Variants in DCLRE1C observed in about 807,000 individuals in gnomAD.
DCLRE1C encodes the protein protein artemis.
In DCLRE1C, 47 loss-of-function variants were observed where a neutral mutation model predicts 61.4. The ratio of observed to expected loss-of-function variants is 0.77; its 90% CI spans 0.61 to 0.98. DCLRE1C has a LOEUF of 0.98. Among genes scored for constraint, DCLRE1C ranks in the 50% least tolerant of loss-of-function variants. DCLRE1C has a pLI of 0.00. For synonymous variants in DCLRE1C, 337 were observed against 287.6 expected (o/e 1.17, Z -1.74); for missense variants, 858 against 816.0 (o/e 1.05, Z -0.63).
intron 13 of DCLRE1C, among the ~76,000 whole-genome samples, chr10:14,909,734 G>T (rs1834933660): frequency 6.6e-6 from 1 of 152,176 alleles, no homozygotes; most frequent in Non-Finnish European, 1.5e-5. Flanking sequence ...TGCAAAGCCT[G>T]TGTGCTCTGC....
chr10:14,937,350 A>G (rs1190361187), intron 4 of DCLRE1C, among the ~76,000 whole-genome samples: 1 of 130,226 alleles, frequency 7.7e-6, no homozygotes, highest in Non-Finnish European at 1.5e-5. Context: ...CGATGGTGTG[A>G]TCTTGGCTCA....
chr10:14,927,199 T>C (rs1740460226), intron 10 of DCLRE1C, among the ~76,000 whole-genome samples: 2 of 151,982 alleles, frequency 1.3e-5, no homozygotes, highest in African/African-American at 2.4e-5. Flanking sequence ...CTAGCAAACA[T>C]AGTGAAACTC....
intron 3 of DCLRE1C, 54 bp from the exon 4 acceptor site, chr10:14,939,923 T>G: frequency 7.3e-7 from 1 of 1,367,336 alleles, no homozygotes; most frequent in Non-Finnish European, 1.0e-6. Context: ...TGGCTTTATA[T>G]GCCTTTGCTG....
chr10:14,920,318 G>T, intron 12 of DCLRE1C: 2 of 921,016 alleles, frequency 2.2e-6, no homozygotes, highest in South Asian at 3.6e-5. Flanking sequence ...TAGGCTGAAA[G>T]CTAAGACAAA....
At chr10:14,935,945 G>A (rs1320511649) in intron 5 of DCLRE1C, among the ~76,000 whole-genome samples, 4 of 152,140 alleles carry the variant, frequency 2.6e-5, no homozygotes, top group African/African-American at 7.2e-5. Flanking sequence ...GTCTTGCTCT[G>A]TCCCCCAGGC....
chr10:14,939,787 A>G (rs747979853), intron 4 of DCLRE1C, 23 bp downstream of exon 4: 1 of 1,572,104 alleles, frequency 6.4e-7, no homozygotes, highest in Non-Finnish European at 8.7e-7. Context: ...TTTTAAAAAA[A>G]TCAATATTTA....
chr10:14,922,891 G>C, intron 12 of DCLRE1C, 90 bp downstream of exon 12: 5 of 927,054 alleles, frequency 5.4e-6, no homozygotes, highest in African/African-American at 1.6e-5. Flanking sequence ...ACAGATTCTA[G>C]ACTTGTAAAC....
chr10:14,897,587 A>AGG (rs2131703852), exon 14 of DCLRE1C: 2 of 1,323,708 alleles, frequency 1.5e-6, no homozygotes, highest in Non-Finnish European at 2.0e-6. Flanking sequence ...TTACCTTTTT[A>AGG]TCTCTTTAAG....
intron 3 of DCLRE1C, among the ~76,000 whole-genome samples, chr10:14,944,157 T>C (rs1449126341): frequency 1.3e-5 from 2 of 152,182 alleles, no homozygotes; most frequent in Non-Finnish European, 2.9e-5. Context: ...ATTATGTTAA[T>C]GAACACTTTA....
intron 13 of DCLRE1C, among the ~76,000 whole-genome samples, chr10:14,917,020 A>G (rs914205169): frequency 1.6e-4 from 24 of 152,370 alleles, no homozygotes; most frequent in South Asian, 6.2e-4. Context: ...ACAAAGCTAC[A>G]GTAATCGAGA....
intron 13 of DCLRE1C, among the ~76,000 whole-genome samples, chr10:14,912,949 T>TG (rs749088080): frequency 9.0e-5 from 13 of 144,232 alleles, no homozygotes; most frequent in Non-Finnish European, 1.5e-5. Context: ...CCCAAAGTGC[T>TG]GGGATTACAG....
chr10:14,920,530 T>C (rs1564397641), intron 12 of DCLRE1C: 1 of 491,170 alleles, frequency 2.0e-6, no homozygotes, highest in Non-Finnish European at 2.6e-6. Flanking sequence ...CTCACCCCTG[T>C]TCCCACAGCT....
chr10:14,932,468 G>A (rs1839174171), intron 9 of DCLRE1C, among the ~76,000 whole-genome samples: 2 of 151,714 alleles, frequency 1.3e-5, no homozygotes, highest in South Asian at 4.2e-4. Flanking sequence ...AACCTCGTCT[G>A]TAGTAAAAAT....
At chr10:14,929,398 TA>T (rs1397751872) in intron 9 of DCLRE1C, among the ~76,000 whole-genome samples, 1 of 149,954 alleles carries the variant, frequency 6.7e-6, no homozygotes, top group Non-Finnish European at 1.5e-5. Flanking sequence ...AGCGAAACTC[TA>T]TCTCAAAAAA....
exon 14 of DCLRE1C, chr10:14,898,202 CTTTTTTTTTTTT>C (rs919860514): frequency 8.9e-5 from 5 of 56,150 alleles, no homozygotes; most frequent in Admixed American, 7.8e-4. Flanking sequence ...AGTACTGTTT[CTTTTTTTTTTTT>C]TTTTTTTTTT....
chr10:14,916,450 G>A (rs910192103), intron 13 of DCLRE1C, among the ~76,000 whole-genome samples: 1 of 152,152 alleles, frequency 6.6e-6, no homozygotes, highest in African/African-American at 2.4e-5. Context: ...CCAAAAGTCT[G>A]ACATCTGAAC....
chr10:14,936,581 C>T lies in DCLRE1C; in HGVS notation c.319G>A (p.Val107Ile), dbSNP rs772530008. 1.2e-6 allele frequency: 2 copies of T among 1,612,506 alleles called. No homozygotes were observed. Among genetic ancestry groups the T allele is most frequent in the Non-Finnish European group, 1.7e-6 (2 of 1,178,714 alleles). The change falls in exon 5 of 14, where the codon GTT (valine) becomes ATT (isoleucine). Residue 107 changes from valine to isoleucine, a missense_variant. Val to Ile is a conservative substitution (Grantham distance 29). Coordinates refer to ENST00000378278, the MANE Select transcript of DCLRE1C (RefSeq NM_001033855.3). Reference protein sequence around the residue: ...DEASGEKEEIVVTLLPAGHCP... With the variant: ...DEASGEKEEIIVTLLPAGHCP... ...TGACCAGCTGGTAAGAGAGTCACAA[C>T]AATCTCTTCCTTCTAAAAAGAAAAT... is the stretch of plus-strand genomic sequence containing the variant.
intron 13 of DCLRE1C, among the ~76,000 whole-genome samples, chr10:14,912,825 G>C (rs941894033): frequency 6.6e-6 from 1 of 152,238 alleles, no homozygotes. Flanking sequence ...GGGACTACAG[G>C]TGCCCGCCAC....
Position 14,899,254 on chromosome 10 carries a change from AG to A in DCLRE1C, c.1214del (p.Pro405LeufsTer2). The A allele has an allele frequency of 2.8e-6, 2 of 702,224 alleles. No homozygotes were observed. The highest frequency in any genetic ancestry group is 5.2e-6 in the Non-Finnish European group (2 of 384,852). The allele number at this position is 702,224 out of a possible 1,614,324, so 43.5% of individuals were successfully genotyped here. ...AAGATCGCTTGATCCCAGGAGTTAA[AG>A]GATACAGGGAGTCATGATGGCACCA... On this transcript the variant is annotated frameshift_variant, in exon 14 of 14. Transcript: ENST00000378289. LOFTEE classifies it high-confidence loss of function.
Sources: gnomAD v4.1 joint callset for allele counts (sites outside exome capture counted in the v4.1 genomes callset) on GRCh38, gnomAD v4.1.1 for gene constraint, MANE v1.5 for transcripts, NCBI Gene and HGNC (gene_info 2026-07-23, HGNC 2026-07-21) for gene names.